DCUN1D3: variants seen among roughly 807,000 people sequenced by gnomAD.
DCUN1D3 encodes the protein defective in cullin neddylation 1 domain containing 3, also known as DCN1-like protein 3.
In DCUN1D3, 6 loss-of-function variants were observed where a neutral mutation model predicts 24.8. The observed-to-expected ratio is 0.24, with a 90% CI of 0.13 to 0.48. The LOEUF is 0.48. DCUN1D3 is among the 20% of genes least tolerant of loss of function. The probability of loss-of-function intolerance (pLI) is 0.99; values close to 1 mark genes in which losing one functional copy is unlikely to be tolerated. For missense variants in DCUN1D3, 258 were observed against 379.4 expected, an observed-to-expected ratio of 0.68 and a Z score of 2.66; for synonymous variants, 120 against 144.9, an observed-to-expected ratio of 0.83 and a Z score of 1.24.
chr16:20,874,913 A>C lies in DCUN1D3; in HGVS notation c.-105-12270T>G, dbSNP rs372108968. Among the ~76,000 whole-genome samples, 33 of 152,224 alleles carry C rather than the reference A, an allele frequency of 2.2e-4. No individual in the cohort carries two copies. In the East Asian group the frequency reaches 2.7e-3, roughly 12 times the overall value. ...ATGTGCAAAGATAAGCAGGTAATTA[A>C]AAATGGAGCTCTATACCTGTTGGAA... is the stretch of plus-strand genomic sequence containing the variant. On this transcript the variant is annotated intron_variant, in intron 1 of 2. Coordinates refer to ENST00000324344, the MANE Select transcript of DCUN1D3 (RefSeq NM_173475.4).
rs192671743 is a variant in DCUN1D3, at chr16:20,875,052, T to C, written c.-105-12409A>G. Among the ~76,000 whole-genome samples the C allele has an allele frequency of 3.2e-3, 489 of 152,266 alleles. 1 individual carries two copies. The highest frequency in any genetic ancestry group is 5.6e-3 in the Non-Finnish European group (384 of 68,014). ...TGCCACCTAATGGCCACCACAATGC[T>C]GTCTATTAAAACCCTGCCCTAGCAG... On this transcript the variant is annotated intron_variant, in intron 1 of 2. Coordinates refer to ENST00000324344, the MANE Select transcript of DCUN1D3 (RefSeq NM_173475.4).
intron 1 of DCUN1D3, among the ~76,000 whole-genome samples, chr16:20,896,802 T>C (rs1256322253): frequency 6.6e-6 from 1 of 152,240 alleles, no homozygotes; most frequent in Non-Finnish European, 1.5e-5. Flanking sequence ...TCCTTTGAGA[T>C]ACTCTAGTAT....
Position 20,891,044 on chromosome 16 carries a change from A to G in DCUN1D3, c.-106+9160T>C, listed in dbSNP as rs1200833274. Among the ~76,000 whole-genome samples, 4 of 152,042 alleles carry G rather than the reference A, an allele frequency of 2.6e-5. No individual in the cohort carries two copies. In the East Asian group the frequency reaches 7.7e-4, roughly 29 times the overall value. On this transcript the variant is annotated intron_variant, in intron 1 of 2. Coordinates refer to ENST00000324344, the MANE Select transcript of DCUN1D3 (RefSeq NM_173475.4). ...AGTCTCACTCTATCGCCCAGGCTGA[A>G]GTGCTGTGGCGCGATCTTGGCTCAC...
chr16:20,888,710 C>T (rs1242926713), intron 1 of DCUN1D3, among the ~76,000 whole-genome samples: 1 of 152,076 alleles, frequency 6.6e-6, no homozygotes, highest in Non-Finnish European at 1.5e-5. Flanking sequence ...CCTGGCTAGG[C>T]CTCTTAAAAT....
chr16:20,865,536 T>A (rs2152516373), intron 1 of DCUN1D3, among the ~76,000 whole-genome samples: 1 of 152,286 alleles, frequency 6.6e-6, no homozygotes, highest in Admixed American at 6.5e-5. Context: ...ACTGCTATAA[T>A]AATGGCAGCC....
intron 1 of DCUN1D3, among the ~76,000 whole-genome samples, chr16:20,888,111 T>A (rs1004636860): frequency 7.2e-5 from 11 of 152,218 alleles, no homozygotes; most frequent in African/African-American, 2.7e-4. Context: ...CACTGTCCCA[T>A]AAACTGACTA....
At chr16:20,882,634 A>G (rs1269881330) in intron 1 of DCUN1D3, among the ~76,000 whole-genome samples, 1 of 152,142 alleles carries the variant, frequency 6.6e-6, no homozygotes, top group Non-Finnish European at 1.5e-5. Flanking sequence ...TTCCAACCAG[A>G]CAATAAAGTC....
At chr16:20,891,524 T>C (rs1478675138) in intron 1 of DCUN1D3, among the ~76,000 whole-genome samples, 1 of 152,124 alleles carries the variant, frequency 6.6e-6, no homozygotes, top group East Asian at 1.9e-4. Context: ...GCCGGGGGAA[T>C]TGGCCAGCAG....
chr16:20,888,824 C>T (rs78298786), intron 1 of DCUN1D3, among the ~76,000 whole-genome samples: 1 of 152,236 alleles, frequency 6.6e-6, no homozygotes, highest in East Asian at 1.9e-4. Flanking sequence ...CCGTGGCTCA[C>T]ACCTGTAATC....
intron 1 of DCUN1D3, among the ~76,000 whole-genome samples, chr16:20,871,341 A>G (rs1028198287): frequency 6.6e-6 from 1 of 152,226 alleles, no homozygotes; most frequent in Non-Finnish European, 1.5e-5. Flanking sequence ...ACCAATCTCA[A>G]AAGTGCAAAA....
chr16:20,856,683 C>T lies in DCUN1D3; in HGVS notation c.*3203G>A, dbSNP rs1394203107. ...CAACCAGCTGAAGCATAGCAAAGCC[C>T]CTTACAGGAGGTGGGGTTAAGAACG... On this transcript the variant is annotated 3_prime_UTR_variant, in exon 3 of 3. Transcript: ENST00000324344. The T allele has an allele frequency of 1.3e-5, 2 of 152,108 alleles. No homozygotes were observed. Among genetic ancestry groups the T allele is most frequent in the East Asian group, 3.9e-4 (2 of 5,180 alleles). 9.4% of individuals were successfully genotyped at this position (152,108 alleles called of 1,614,324 possible). A position where few individuals can be genotyped will look rare whatever the true frequency, so the allele number is the denominator to read the frequency against.
In DCUN1D3 at chr16:20,860,533, T is replaced by C. The variant is rs953991097; in HGVS notation, c.432-164A>G. On this transcript the variant is annotated intron_variant, in intron 2 of 2. Coordinates refer to ENST00000324344, the MANE Select transcript of DCUN1D3 (RefSeq NM_173475.4). The surrounding 1 kb of genome is among the most constrained non-coding windows in gnomAD (Gnocchi z 4.3). ...TTCCTTACTTGTCAAATGGTAAAAA[T>C]ACCACCTTACTTCATAGGGTTTTGG... 6.6e-6 allele frequency among the ~76,000 whole-genome samples: 1 copy of C among 152,350 alleles called. No homozygotes were observed. Among genetic ancestry groups the C allele is most frequent in the South Asian group, 2.1e-4 (1 of 4,828 alleles).
intron 1 of DCUN1D3, among the ~76,000 whole-genome samples, chr16:20,895,415 A>G (rs2152519377): frequency 6.6e-6 from 1 of 152,252 alleles, no homozygotes; most frequent in South Asian, 2.1e-4. Flanking sequence ...GGAATGAGCC[A>G]CCACACCCAA....
intron 1 of DCUN1D3, among the ~76,000 whole-genome samples, chr16:20,887,784 C>T (rs751616618): frequency 9.9e-5 from 15 of 152,166 alleles, no homozygotes; most frequent in Non-Finnish European, 2.1e-4. Context: ...TATTTCTTTT[C>T]CCAAAGTCTA....
chr16:20,872,500 A>G (rs1276234577), intron 1 of DCUN1D3, among the ~76,000 whole-genome samples: 1 of 151,950 alleles, frequency 6.6e-6, no homozygotes, highest in African/African-American at 2.4e-5. Context: ...ATCTAAATCC[A>G]TTAAGACCAC....
chr16:20,860,513 T>C lies in DCUN1D3; in HGVS notation c.432-144A>G. The C allele has an allele frequency of 2.2e-6, 2 of 890,818 alleles. No homozygotes were observed. The highest frequency in any genetic ancestry group is 3.3e-6 in the Non-Finnish European group (2 of 604,172). The allele number at this position is 890,818 out of a possible 1,614,324, so 55.2% of individuals were successfully genotyped here. On this transcript the variant is annotated intron_variant, in intron 2 of 2. Transcript: ENST00000324344. This position sits in a 1 kb window ranked among gnomAD's most constrained non-coding sequence, Gnocchi z 4.3. ...CTCCAACTAATTAGTCCTATTTCCT[T>C]ACTTGTCAAATGGTAAAAATACCAC...
rs2081707751 is a variant in DCUN1D3, at chr16:20,857,438, A to G, written c.*2448T>C. On this transcript the variant is annotated 3_prime_UTR_variant, in exon 3 of 3. Coordinates refer to ENST00000324344, the MANE Select transcript of DCUN1D3 (RefSeq NM_173475.4). ...GGAAGGAACCTAGTTTCTCCAGAGT[A>G]CTCAGGGTCCTGGGCTGCCTGCCTC... The G allele has an allele frequency of 1.3e-5, 2 of 152,236 alleles. No homozygotes were observed. Among genetic ancestry groups the G allele is most frequent in the Non-Finnish European group, 2.9e-5 (2 of 68,062 alleles). 9.4% of individuals were successfully genotyped at this position (152,236 alleles called of 1,614,324 possible).
At chr16:20,866,485 C>T (rs1388139626) in intron 1 of DCUN1D3, among the ~76,000 whole-genome samples, 1 of 152,146 alleles carries the variant, frequency 6.6e-6, no homozygotes, top group Non-Finnish European at 1.5e-5. Flanking sequence ...CTAGCAGCTT[C>T]CTCCAAATCC....
chr16:20,880,087 G>A (rs913773610), intron 1 of DCUN1D3, among the ~76,000 whole-genome samples: 4 of 152,186 alleles, frequency 2.6e-5, no homozygotes, highest in Non-Finnish European at 5.9e-5. Context: ...AAGTGCCTAA[G>A]ATGACATTTT....
Sources: gnomAD v4.1 joint callset for allele counts (sites outside exome capture counted in the v4.1 genomes callset) on GRCh38, gnomAD v4.1.1 for gene constraint, Gnocchi (gnomAD v3.1) non-coding constraint, MANE v1.5 for transcripts, NCBI Gene and HGNC (gene_info 2026-07-23, HGNC 2026-07-21) for gene names.